The following DUSP29 variants were observed in gnomAD, a reference collection of about 807,000 sequenced individuals.
DUSP29 encodes dual specificity phosphatase 29.
In DUSP29, 12 loss-of-function variants were observed where a neutral mutation model predicts 13.5. The observed-to-expected ratio is 0.89, with a 90% CI of 0.57 to 1.44. The LOEUF (loss-of-function observed/expected upper bound fraction) is 1.44, where lower values mean the gene tolerates loss of function less well. Among genes scored for constraint, DUSP29 ranks in the 40% most tolerant of loss-of-function variants. DUSP29 has a pLI of 0.00. For synonymous variants in DUSP29, 134 were observed against 128.7 expected, an observed-to-expected ratio of 1.04 and a Z score of -0.28; for missense variants, 308 against 301.1, an observed-to-expected ratio of 1.02 and a Z score of -0.17.
chr10:75,055,332 T>G (rs1589863786), intron 2 of DUSP29, among the ~76,000 whole-genome samples: 1 of 152,156 alleles, frequency 6.6e-6, no homozygotes, highest in East Asian at 1.9e-4. Context: ...ATATTTTGGG[T>G]CAAAATATAT....
intron 1 of DUSP29, among the ~76,000 whole-genome samples, chr10:75,072,030 A>G (rs1030358299): frequency 6.6e-6 from 1 of 152,030 alleles, no homozygotes; most frequent in South Asian, 2.1e-4. Flanking sequence ...GAGTGGCCCA[A>G]CTCCAGGGAA....
At chr10:75,064,572 G>A (rs928286538) in intron 1 of DUSP29, among the ~76,000 whole-genome samples, 2 of 151,888 alleles carry the variant, frequency 1.3e-5, no homozygotes, top group African/African-American at 2.4e-5. Flanking sequence ...TTGCCCAAAC[G>A]GGTCTTGAAC....
chr10:75,062,229 T>C (rs912717176), intron 1 of DUSP29, among the ~76,000 whole-genome samples: 3 of 152,204 alleles, frequency 2.0e-5, no homozygotes, highest in Admixed American at 2.0e-4. Flanking sequence ...TGGCACCCAC[T>C]CTTCTTGTTC....
intron 2 of DUSP29, among the ~76,000 whole-genome samples, chr10:75,047,413 G>A (rs931304631): frequency 2.6e-5 from 4 of 152,218 alleles, no homozygotes; most frequent in African/African-American, 9.7e-5. Flanking sequence ...TATTGGGAGT[G>A]GGGCAGGCTC....
rs1846630620 is a variant in DUSP29 at position 75,043,573 on chromosome 10, G to A, written c.421+224C>T. On this transcript the variant is annotated intron_variant, in intron 3 of 3. Transcript: ENST00000338487. The stretch of plus-strand genomic sequence containing the variant: ...CCAGGGGCTCGGACCTTTACCCTCG[G>A]CCACAAGCAGCCCCAGTGGCCCAGC... 2.0e-5 allele frequency among the ~76,000 whole-genome samples: 3 copies of A among 152,150 alleles called. No individual in the cohort carries two copies. The South Asian group carries it at 6.2e-4, about 31-fold the overall frequency.
intron 1 of DUSP29, among the ~76,000 whole-genome samples, chr10:75,070,647 G>A (rs181079083): frequency 6.6e-6 from 1 of 152,280 alleles, no homozygotes; most frequent in East Asian, 1.9e-4. Flanking sequence ...AGGAAAGAGT[G>A]GGTGGAGCAG....
At chr10:75,067,077 C>A (rs955472735) in intron 1 of DUSP29, among the ~76,000 whole-genome samples, 1 of 151,226 alleles carries the variant, frequency 6.6e-6, no homozygotes, top group East Asian at 2.0e-4. Flanking sequence ...CCTGCCTCAG[C>A]CTCTCCCAAG....
chr10:75,066,842 C>A (rs1272378905), intron 1 of DUSP29, among the ~76,000 whole-genome samples: 1 of 152,160 alleles, frequency 6.6e-6, no homozygotes, highest in Non-Finnish European at 1.5e-5. Flanking sequence ...AGCAGTCAGG[C>A]CTCCGTGGTG....
chr10:75,063,592 G>C (rs532072753), intron 1 of DUSP29, among the ~76,000 whole-genome samples: 1 of 152,112 alleles, frequency 6.6e-6, no homozygotes, highest in South Asian at 2.1e-4. Context: ...CTGGAGGCTG[G>C]CCCGTGTGTT....
intron 1 of DUSP29, among the ~76,000 whole-genome samples, chr10:75,064,634 C>T (rs541239608): frequency 3.3e-5 from 5 of 152,184 alleles, no homozygotes; most frequent in Non-Finnish European, 5.9e-5. Flanking sequence ...TCTGGGATTA[C>T]AAGCATGAGC....
rs1361964040 is a variant in DUSP29, at chr10:75,058,363, T to C, written c.152A>G (p.Gln51Arg). Residue 51 changes from glutamine (Q) to arginine (R), a missense_variant, in exon 2 of 4, where the codon CAG becomes CGG. By Grantham distance (43) the Gln-to-Arg change is conservative. Transcript: ENST00000338487. ...CCAGACCTCGTTGACGTGGGTGTAC[T>C]GGGGACTGCCCTTCCAGAAGAGCCG... ...LERLFWKGSPQYTHVNEVWPK... is the reference protein window; with the variant it reads ...LERLFWKGSPRYTHVNEVWPK... 1.2e-6 allele frequency: 2 copies of C among 1,614,228 alleles called. No homozygotes were observed.
intron 1 of DUSP29, among the ~76,000 whole-genome samples, chr10:75,071,586 G>A (rs1387348056): frequency 2.0e-5 from 3 of 152,206 alleles, no homozygotes; most frequent in Non-Finnish European, 4.4e-5. Flanking sequence ...TTTGTCTGAT[G>A]GCAGAGGACC....
At chr10:75,061,375 C>G (rs146683157) in intron 1 of DUSP29, among the ~76,000 whole-genome samples, 1 of 152,142 alleles carries the variant, frequency 6.6e-6, no homozygotes, top group East Asian at 1.9e-4. Flanking sequence ...CCAACAACTT[C>G]CTGCTTCCTG....
chr10:75,047,553 G>C (rs981137284), intron 2 of DUSP29, among the ~76,000 whole-genome samples: 1 of 152,236 alleles, frequency 6.6e-6, no homozygotes, highest in African/African-American at 2.4e-5. Flanking sequence ...TGGGCATGGA[G>C]AAAAGGCCGT....
intron 2 of DUSP29, among the ~76,000 whole-genome samples, chr10:75,044,937 T>A (rs1167633272): frequency 6.6e-6 from 1 of 152,222 alleles, no homozygotes; most frequent in East Asian, 1.9e-4. Flanking sequence ...ACCTGAGGTA[T>A]GGAGGCTGGA....
chr10:75,060,191 C>A (rs189578296), intron 1 of DUSP29, among the ~76,000 whole-genome samples: 1 of 151,854 alleles, frequency 6.6e-6, no homozygotes, highest in African/African-American at 2.4e-5. Flanking sequence ...GAAAACAGTC[C>A]GGGAGCAGTG....
chr10:75,071,568 G>C (rs574291964), intron 1 of DUSP29, among the ~76,000 whole-genome samples: 1 of 152,186 alleles, frequency 6.6e-6, no homozygotes, highest in Non-Finnish European at 1.5e-5. Context: ...CCCCAGTAAG[G>C]GCTCCAGTTT....
chr10:75,049,570 G>T (rs1391311263), intron 2 of DUSP29, among the ~76,000 whole-genome samples: 1 of 152,232 alleles, frequency 6.6e-6, no homozygotes, highest in African/African-American at 2.4e-5. Context: ...GCCTTCAGTA[G>T]TTGGAAGTCC....
chr10:75,072,298 A>AC, intron 1 of DUSP29, among the ~76,000 whole-genome samples: 1 of 151,856 alleles, frequency 6.6e-6, no homozygotes, highest in Admixed American at 6.6e-5. Context: ...GTAAACATTC[A>AC]CCCCTAGACA....
Sources: allele counts gnomAD v4.1 joint callset (sites outside exome capture counted in the v4.1 genomes callset), GRCh38; gene constraint gnomAD v4.1.1; transcripts MANE v1.5; gene names NCBI Gene and HGNC (gene_info 2026-07-23, HGNC 2026-07-21).